Variants in NKD1 observed in about 807,000 individuals in gnomAD.
The protein encoded by NKD1 is protein naked cuticle homolog 1.
A neutral mutation model predicts 56.0 loss-of-function variants in NKD1; 21 were observed. The ratio of observed to expected loss-of-function variants is 0.38; its 90% CI spans 0.27 to 0.54. The LOEUF (loss-of-function observed/expected upper bound fraction) is 0.54, where lower values mean the gene tolerates loss of function less well. Among genes scored for constraint, NKD1 ranks in the 20% least tolerant of loss-of-function variants. NKD1 has a pLI of 0.82. For synonymous variants in NKD1, 263 were observed against 265.7 expected, an observed-to-expected ratio of 0.99 and a Z score of 0.10; for missense variants, 578 against 642.7, an observed-to-expected ratio of 0.90 and a Z score of 1.09.
intron 3 of NKD1, among the ~76,000 whole-genome samples, chr16:50,592,130 A>T (rs940325248): frequency 6.6e-6 from 1 of 152,226 alleles, no homozygotes; most frequent in African/African-American, 2.4e-5. Context: ...TGTTTTGAGC[A>T]GGGGCCAGGG....
intron 4 of NKD1, among the ~76,000 whole-genome samples, chr16:50,613,321 C>A (rs1034434887): frequency 6.6e-6 from 1 of 152,058 alleles, no homozygotes; most frequent in African/African-American, 2.4e-5. Flanking sequence ...CAGGAAGTAG[C>A]CACGGACATT....
intron 3 of NKD1, among the ~76,000 whole-genome samples, chr16:50,559,794 C>T (rs1032425749): frequency 6.6e-6 from 1 of 152,108 alleles, no homozygotes; most frequent in South Asian, 2.1e-4. Flanking sequence ...GCTGCCCAAG[C>T]CTTCTGGCCT....
At chr16:50,587,310 C>G (rs954361280) in intron 3 of NKD1, among the ~76,000 whole-genome samples, 15 of 152,148 alleles carry the variant, frequency 9.9e-5, no homozygotes, top group African/African-American at 3.6e-4. Flanking sequence ...AGCCCTTAGT[C>G]CACACTTTGA....
Position 50,633,423 on chromosome 16 carries a change from A to G in NKD1, c.1055A>G (p.Gln352Arg), listed in dbSNP as rs760373618. The G allele has an allele frequency of 5.6e-6, 9 of 1,612,562 alleles. No individual in the cohort carries two copies. Among genetic ancestry groups the G allele is most frequent in the Non-Finnish European group, 7.6e-6 (9 of 1,179,134 alleles). ...CACTTTGTGAGGTCCCCCAAGGCCCAGGGCAAGAGTGTGGGTGTGGGCCAC... is the reference window on the plus strand; with the variant it reads ...CACTTTGTGAGGTCCCCCAAGGCCCGGGGCAAGAGTGTGGGTGTGGGCCAC... ...SKHFVRSPKA[Q>R]GKSVGVGHVA... Residue 352 changes from glutamine (Q) to arginine (R), a missense_variant, in exon 10 of 10, where the codon CAG becomes CGG. Coordinates refer to ENST00000268459, the MANE Select transcript of NKD1 (RefSeq NM_033119.5). The surrounding 1 kb of genome is among the most constrained non-coding windows in gnomAD (Gnocchi z 4.9).
intron 4 of NKD1, among the ~76,000 whole-genome samples, chr16:50,610,190 T>C (rs1961811616): frequency 6.6e-6 from 1 of 152,226 alleles, no homozygotes; most frequent in African/African-American, 2.4e-5. Context: ...AAAAACTATA[T>C]TTTTTAAAAA....
intron 3 of NKD1, among the ~76,000 whole-genome samples, chr16:50,602,527 C>T (rs978659934): frequency 6.6e-6 from 1 of 152,188 alleles, no homozygotes; most frequent in African/African-American, 2.4e-5. Context: ...GTTTTAATTA[C>T]CCAAGTAATA....
At chr16:50,594,505 C>A (rs1356394478) in intron 3 of NKD1, among the ~76,000 whole-genome samples, 1 of 152,214 alleles carries the variant, frequency 6.6e-6, no homozygotes, top group Non-Finnish European at 1.5e-5. Flanking sequence ...CAGGGCAGGG[C>A]AGGCCAGTGA....
At chr16:50,601,368 C>T (rs865894604) in intron 3 of NKD1, among the ~76,000 whole-genome samples, 6 of 150,850 alleles carry the variant, frequency 4.0e-5, no homozygotes, top group South Asian at 2.1e-4. Context: ...CTTCTGTGAC[C>T]GTCCCATCGG....
intron 3 of NKD1, chr16:50,574,559 C>G: frequency 1.0e-6 from 1 of 985,434 alleles, no homozygotes; most frequent in African/African-American, 1.7e-5. Flanking sequence ...GTGGTCTCGC[C>G]TTGGATTGAT....
rs1325921813 is a variant in NKD1, at chr16:50,548,977, C to T, written c.58+228C>T. 7 of 961,272 alleles carry T rather than the reference C, an allele frequency of 7.3e-6. 1 individual carries two copies. In the South Asian group the frequency reaches 2.9e-4, roughly 40 times the overall value. The allele number at this position is 961,272 out of a possible 1,614,324, so 59.5% of individuals were successfully genotyped here. On this transcript the variant is annotated intron_variant, in intron 2 of 9. Coordinates refer to ENST00000268459, the MANE Select transcript of NKD1 (RefSeq NM_033119.5). ...CCACCGCTGACCCTCAACCCCTCCC[C>T]CTCCCGCGTCCCTGCCCTCGGCTCT...
rs1362989073 is a variant in NKD1, at chr16:50,637,461, G to A, written c.*3680G>A. 2 of 152,140 alleles carry A rather than the reference G, an allele frequency of 1.3e-5. No individual in the cohort carries two copies. Among genetic ancestry groups the A allele is most frequent in the African/African-American group, 2.4e-5 (1 of 41,416 alleles). 9.4% of individuals were successfully genotyped at this position (152,140 alleles called of 1,614,324 possible). ...TGCGTGCCTGTAATCTCAGCTACTC[G>A]GGAGGCCAAGGCACGAGAATCGCTT... On this transcript the variant is annotated 3_prime_UTR_variant, in exon 10 of 10. Coordinates refer to ENST00000268459, the MANE Select transcript of NKD1 (RefSeq NM_033119.5).
At position 50,638,458 on chromosome 16, in the gene NKD1, A is replaced by C. The variant is rs1200865387; in HGVS notation, c.*4677A>C. 1 of 152,000 alleles carries C rather than the reference A, an allele frequency of 6.6e-6. No homozygotes were observed. Among genetic ancestry groups the C allele is most frequent in the East Asian group, 1.9e-4 (1 of 5,172 alleles). 9.4% of individuals were successfully genotyped at this position (152,000 alleles called of 1,614,324 possible). On this transcript the variant is annotated 3_prime_UTR_variant, in exon 10 of 10. Coordinates refer to ENST00000268459, the MANE Select transcript of NKD1 (RefSeq NM_033119.5). ...CAGCTGCACCCAGCCCCCAACACGC[A>C]CCCCTTCTCCAGATGTGTGCAGGGC...
chr16:50,595,892 A>G (rs1961461493), intron 3 of NKD1, among the ~76,000 whole-genome samples: 1 of 152,138 alleles, frequency 6.6e-6, no homozygotes, highest in South Asian at 2.1e-4. Context: ...GTGGCCTTCT[A>G]GATCCCCATA....
chr16:50,597,849 T>C (rs1246678200), intron 3 of NKD1, among the ~76,000 whole-genome samples: 1 of 152,184 alleles, frequency 6.6e-6, no homozygotes, highest in East Asian at 1.9e-4. Flanking sequence ...TGCGAACTGC[T>C]GAGTTTCAGA....
In NKD1 at chr16:50,644,698, C is replaced by T. The variant is rs1034781943; in HGVS notation, c.*10917C>T. ...GATCCTCTCCAGATGGGCCCCTGGC[C>T]ATCTTAGCCAACATCACCTGATTCT... On this transcript the variant is annotated 3_prime_UTR_variant, in exon 10 of 10. Coordinates refer to ENST00000268459, the MANE Select transcript of NKD1 (RefSeq NM_033119.5). 6.6e-6 allele frequency: 1 copy of T among 152,234 alleles called. No individual in the cohort carries two copies. Among genetic ancestry groups the T allele is most frequent in the African/African-American group, 2.4e-5 (1 of 41,464 alleles). 9.4% of individuals were successfully genotyped at this position (152,234 alleles called of 1,614,324 possible).
In NKD1 at chr16:50,639,022, G is replaced by T; in HGVS notation, c.*5241G>T. On this transcript the variant is annotated 3_prime_UTR_variant, in exon 10 of 10. Transcript: ENST00000268459. ...CTGTTGGCAATGGGTCGGGGAGGCA[G>T]AGGGGATGCTCACACCAGTAATTCT... The T allele has an allele frequency of 6.6e-6, 1 of 152,448 alleles. No homozygotes were observed. The highest frequency in any genetic ancestry group is 1.5e-5 in the Non-Finnish European group (1 of 68,130). The allele number at this position is 152,448 out of a possible 1,614,324, so 9.4% of individuals were successfully genotyped here. A position where few individuals can be genotyped will look rare whatever the true frequency, so the allele number is the denominator to read the frequency against.
chr16:50,549,408 C>G lies in NKD1; in HGVS notation c.59-14C>G. On this transcript the variant is annotated splice_polypyrimidine_tract_variant and intron_variant, in intron 2 of 9. Transcript: ENST00000268459. ...GGAGCCAGACTCAGGGGCTTCATGT[C>G]GTCCCCGTCCCAGGTGACAGCTTCG... 1 of 1,609,252 alleles carries G rather than the reference C, an allele frequency of 6.2e-7. No individual in the cohort carries two copies. The highest frequency in any genetic ancestry group is 8.5e-7 in the Non-Finnish European group (1 of 1,177,880).
intron 3 of NKD1, chr16:50,571,494 A>G: frequency 1.0e-6 from 1 of 985,370 alleles, no homozygotes; most frequent in African/African-American, 1.7e-5. Context: ...GCCTGTCGGA[A>G]GCAGCCTTCC....
chr16:50,549,765 C>T (rs1052756247), intron 3 of NKD1, among the ~76,000 whole-genome samples: 2 of 152,190 alleles, frequency 1.3e-5, no homozygotes, highest in South Asian at 2.1e-4. Flanking sequence ...AGAGGGCTGC[C>T]TGGGGGAAAG....
Sources: allele counts gnomAD v4.1 joint callset (sites outside exome capture counted in the v4.1 genomes callset), GRCh38; gene constraint gnomAD v4.1.1; non-coding constraint Gnocchi (gnomAD v3.1); transcripts MANE v1.5; gene names NCBI Gene and HGNC (gene_info 2026-07-23, HGNC 2026-07-21).